TBCK: variants seen among roughly 807,000 people sequenced by gnomAD.
TBCK encodes the protein TBC domain-containing protein kinase-like protein.
A neutral mutation model predicts 113.4 loss-of-function variants in TBCK; 99 were observed. That is an observed-to-expected ratio of 0.87 (90% CI 0.74 to 1.03). The LOEUF is 1.03. TBCK is among the 50% of genes least tolerant of loss of function. The pLI is 0.00. For missense variants in TBCK, 1,045 were observed against 1,061.3 expected, an observed-to-expected ratio of 0.98 and a Z score of 0.21; for synonymous variants, 369 against 370.8, an observed-to-expected ratio of 1.00 and a Z score of 0.05.
At chr4:106,149,606 C>T (rs534068689) in intron 23 of TBCK, among the ~76,000 whole-genome samples, 31 of 152,236 alleles carry the variant, frequency 2.0e-4, no homozygotes, top group Admixed American at 1.0e-3. Flanking sequence ...AAATGGGCTC[C>T]GTTTGTGGTG....
intron 24 of TBCK, among the ~76,000 whole-genome samples, chr4:106,098,656 A>G (rs895451964): frequency 1.3e-5 from 2 of 152,134 alleles, no homozygotes; most frequent in African/African-American, 4.8e-5. Context: ...AAAGCATAAA[A>G]GCATCCAGTT....
At chr4:106,225,904 G>C (rs1579312682) in intron 19 of TBCK, among the ~76,000 whole-genome samples, 1 of 151,900 alleles carries the variant, frequency 6.6e-6, no homozygotes, top group African/African-American at 2.4e-5. Context: ...GCTCAAGCCT[G>C]TAATTCCAGC....
intron 23 of TBCK, among the ~76,000 whole-genome samples, chr4:106,155,527 T>C (rs1400269411): frequency 6.6e-6 from 1 of 152,162 alleles, no homozygotes. Flanking sequence ...AGATTTGACC[T>C]TTTGAAGCTA....
At chr4:106,063,539 G>A (rs1368045016) in intron 25 of TBCK, among the ~76,000 whole-genome samples, 1 of 151,866 alleles carries the variant, frequency 6.6e-6, no homozygotes. Flanking sequence ...AATTGTAGAA[G>A]GATAATCTCA....
intron 5 of TBCK, 76 bp from the exon 6 acceptor site, chr4:106,252,083 T>A: frequency 8.0e-7 from 1 of 1,245,380 alleles, no homozygotes; most frequent in Non-Finnish European, 1.1e-6. Flanking sequence ...ATCAATGTGG[T>A]AAGATCTATG....
intron 25 of TBCK, among the ~76,000 whole-genome samples, chr4:106,090,852 T>C (rs975976753): frequency 1.3e-5 from 2 of 152,234 alleles, no homozygotes; most frequent in Admixed American, 1.3e-4. Flanking sequence ...GCCTGGACTT[T>C]ATTGTCCATA....
At chr4:106,214,425 G>A (rs1026177099) in intron 19 of TBCK, among the ~76,000 whole-genome samples, 3 of 152,090 alleles carry the variant, frequency 2.0e-5, no homozygotes, top group Non-Finnish European at 2.9e-5. Context: ...CTGAGCTACG[G>A]GAGGACATTC....
intron 3 of TBCK, among the ~76,000 whole-genome samples, chr4:106,279,392 A>C (rs773772188): frequency 2.6e-5 from 4 of 152,174 alleles, no homozygotes; most frequent in Non-Finnish European, 4.4e-5. Flanking sequence ...ACAATGTGTA[A>C]TAATCATATC....
At chr4:106,159,252 G>C (rs1749474274) in intron 23 of TBCK, among the ~76,000 whole-genome samples, 1 of 152,050 alleles carries the variant, frequency 6.6e-6, no homozygotes, top group Non-Finnish European at 1.5e-5. Context: ...GCCTGCTTTT[G>C]GGATGTATTT....
chr4:106,075,810 T>C (rs1738122271), intron 25 of TBCK, among the ~76,000 whole-genome samples: 1 of 152,204 alleles, frequency 6.6e-6, no homozygotes, highest in South Asian at 2.1e-4. Flanking sequence ...ATTGTTAATG[T>C]TTTATGAAAA....
At position 106,041,712 on chromosome 4, in the gene TBCK, A is replaced by G. The variant is rs987925523; in HGVS notation, c.*4858T>C. On this transcript the variant is annotated 3_prime_UTR_variant, in exon 26 of 26. Transcript: ENST00000394708. Reference sequence around the variant, plus strand: ...GGTCCTCTGAAAGGAATGAGAAAGGATATTAAAGAATAACAACTTAAAAGG... The same window carrying G: ...GGTCCTCTGAAAGGAATGAGAAAGGGTATTAAAGAATAACAACTTAAAAGG... 4 of 152,236 alleles carry G rather than the reference A, an allele frequency of 2.6e-5. No homozygotes were observed. The highest frequency in any genetic ancestry group is 6.5e-5 in the Admixed American group (1 of 15,282). 9.4% of individuals were successfully genotyped at this position (152,236 alleles called of 1,614,324 possible).
chr4:106,248,204 A>G, intron 9 of TBCK, 41 bp downstream of exon 9: 2 of 1,401,112 alleles, frequency 1.4e-6, no homozygotes, highest in Non-Finnish European at 2.0e-6. Flanking sequence ...GCTTATGCGT[A>G]AAGGATCTCA....
intron 23 of TBCK, among the ~76,000 whole-genome samples, chr4:106,122,081 C>A (rs1404860187): frequency 6.6e-6 from 1 of 152,064 alleles, no homozygotes; most frequent in East Asian, 1.9e-4. Context: ...TTACTGAATC[C>A]AGGAGCTGGT....
intron 24 of TBCK, among the ~76,000 whole-genome samples, chr4:106,114,174 C>G (rs940665708): frequency 1.3e-5 from 2 of 152,238 alleles, no homozygotes; most frequent in Non-Finnish European, 2.9e-5. Context: ...ATGCTAAAAA[C>G]AGAAAAGGGG....
rs373049126 is a variant in TBCK, at chr4:106,193,733, A to G, written c.1935T>C (p.Asp645=). The change falls in exon 22 of 26, where the codon GAT becomes GAC. Residue 645 remains aspartate, a synonymous_variant. Coordinates refer to ENST00000394708, the MANE Select transcript of TBCK (RefSeq NM_001163435.3). The stretch of plus-strand genomic sequence containing the variant: ...AAGAGGAATTCCCAAGTAGTAAGGT[A>G]TCCCAGAGGTGGAAAATTTTGTGTA... ...FPLHKIFHLW[D]TLLLGNSSFP... The G allele has an allele frequency of 1.3e-6, 2 of 1,593,686 alleles. No homozygotes were observed. The highest frequency in any genetic ancestry group is 1.1e-5 in the South Asian group (1 of 87,116).
chr4:106,289,501 TG>T (rs1261840822), intron 3 of TBCK, among the ~76,000 whole-genome samples: 1 of 152,118 alleles, frequency 6.6e-6, no homozygotes, highest in Non-Finnish European at 1.5e-5. Context: ...CCAGGCGCGG[TG>T]GCTCATGCCT....
At chr4:106,124,197 A>C (rs1744842400) in intron 23 of TBCK, among the ~76,000 whole-genome samples, 1 of 152,248 alleles carries the variant, frequency 6.6e-6, no homozygotes, top group Admixed American at 6.5e-5. Flanking sequence ...GAAGGACATG[A>C]ACAGACACTT....
chr4:106,097,922 T>C (rs567055757), intron 24 of TBCK, among the ~76,000 whole-genome samples: 4 of 152,228 alleles, frequency 2.6e-5, no homozygotes, highest in South Asian at 4.1e-4. Context: ...TGACTCTGAA[T>C]GACCATAGTT....
intron 25 of TBCK, among the ~76,000 whole-genome samples, chr4:106,083,557 A>G (rs1403198793): frequency 1.3e-5 from 2 of 152,206 alleles, no homozygotes; most frequent in African/African-American, 2.4e-5. Flanking sequence ...GTTTCCCCCC[A>G]GTGAAACACA....
Sources: gnomAD v4.1 joint callset for allele counts (sites outside exome capture counted in the v4.1 genomes callset) on GRCh38, gnomAD v4.1.1 for gene constraint, MANE v1.5 for transcripts, NCBI Gene and HGNC (gene_info 2026-07-23, HGNC 2026-07-21) for gene names.